MAPKAPK3: variants seen among roughly 807,000 people sequenced by gnomAD.
MAPKAPK3 encodes the protein MAP kinase-activated protein kinase 3.
In MAPKAPK3, 35 loss-of-function variants were observed where a neutral mutation model predicts 49.2. The ratio of observed to expected loss-of-function variants is 0.71; its 90% CI spans 0.54 to 0.94. The LOEUF is 0.94. Ranked by LOEUF, MAPKAPK3 falls within the 40% of genes least tolerant of loss-of-function variation. The pLI is 0.00. For synonymous variants in MAPKAPK3, 178 were observed against 188.7 expected, an observed-to-expected ratio of 0.94 and a Z score of 0.46; for missense variants, 398 against 493.1, an observed-to-expected ratio of 0.81 and a Z score of 1.83.
intron 9 of MAPKAPK3, 101 bp from the exon 10 acceptor site, chr3:50,647,022 G>A: frequency 2.5e-6 from 3 of 1,213,028 alleles, no homozygotes; most frequent in Non-Finnish European, 3.5e-6. Context: ...CTGAGCCTTG[G>A]TTTTTCCATC....
intron 2 of MAPKAPK3, among the ~76,000 whole-genome samples, chr3:50,633,850 G>GT (rs1204244061): frequency 6.6e-6 from 1 of 152,228 alleles, no homozygotes; most frequent in East Asian, 1.9e-4. Context: ...TGGTGCTGTT[G>GT]TTTTCCCAGC....
At chr3:50,637,693 AAG>A (rs34205773) in intron 2 of MAPKAPK3, among the ~76,000 whole-genome samples, 12,571 of 144,772 alleles carry the variant, frequency 0.087, 633 homozygotes, top group Non-Finnish European at 0.12. Flanking sequence ...CAGAGAGAGA[AAG>A]AGAGAGAGAG....
intron 2 of MAPKAPK3, among the ~76,000 whole-genome samples, chr3:50,631,712 G>A (rs962267706): frequency 6.6e-6 from 1 of 152,170 alleles, no homozygotes; most frequent in South Asian, 2.1e-4. Flanking sequence ...TGGCTGAGTC[G>A]AAGACTTGTC....
intron 2 of MAPKAPK3, among the ~76,000 whole-genome samples, chr3:50,626,427 C>A (rs140703902): frequency 8.5e-5 from 13 of 152,330 alleles, no homozygotes; most frequent in Admixed American, 2.0e-4. Flanking sequence ...CACCTGACCA[C>A]CCTTGCCCTG....
At chr3:50,621,786 A>G (rs2032616978) in intron 2 of MAPKAPK3, among the ~76,000 whole-genome samples, 1 of 152,162 alleles carries the variant, frequency 6.6e-6, no homozygotes, top group Non-Finnish European at 1.5e-5. Flanking sequence ...ATTGAAAGAA[A>G]GAAAAGCAAT....
intron 5 of MAPKAPK3, among the ~76,000 whole-genome samples, chr3:50,644,014 C>T (rs2033234636): frequency 6.6e-6 from 1 of 152,140 alleles, no homozygotes; most frequent in African/African-American, 2.4e-5. Flanking sequence ...GTCCTTCTAG[C>T]CCTGTAGGAT....
intron 2 of MAPKAPK3, among the ~76,000 whole-genome samples, chr3:50,624,237 G>A (rs952179318): frequency 2.6e-5 from 4 of 152,198 alleles, no homozygotes; most frequent in African/African-American, 7.2e-5. Flanking sequence ...GACAGAGGAA[G>A]GCACAGGGTG....
Position 50,646,775 on chromosome 3 carries a change from C to G in MAPKAPK3, c.865C>G (p.Pro289Ala). The change falls in exon 9 of 11, where the codon CCC (proline) becomes GCC (alanine). Residue 289 changes from proline to alanine, a missense_variant. Physicochemically the swap from Pro to Ala is conservative, Grantham distance 27. Transcript: ENST00000621469. ...GATCCGCCTCCTGTTGAAGACAGAC[C>G]CCACAGAGAGGCTGACCATCACTCA... ...QLIRLLLKTD[P>A]TERLTITQFM... 6.2e-7 allele frequency: 1 copy of G among 1,614,066 alleles called. No homozygotes were observed.
At chr3:50,611,774 T>C (rs984995987), upstream of MAPKAPK3, 12 of 1,296,130 alleles carry the variant, frequency 9.3e-6, no homozygotes, top group Non-Finnish European at 1.2e-5. Context: ...GGACAGGGAC[T>C]GAGAGGCAGT....
chr3:50,644,986 A>G (rs550358783), intron 6 of MAPKAPK3, among the ~76,000 whole-genome samples: 53 of 152,250 alleles, frequency 3.5e-4, no homozygotes, highest in African/African-American at 1.2e-3. Context: ...GGAGGTGTGC[A>G]CATACTCATG....
chr3:50,621,345 C>T (rs2032603669), intron 2 of MAPKAPK3, among the ~76,000 whole-genome samples: 1 of 152,066 alleles, frequency 6.6e-6, no homozygotes, highest in Non-Finnish European at 1.5e-5. Flanking sequence ...CCTGTAATTC[C>T]AGCACTTTGG....
chr3:50,613,127 C>T (rs1362871874), upstream of MAPKAPK3, among the ~76,000 whole-genome samples: 1 of 152,064 alleles, frequency 6.6e-6, no homozygotes, highest in Admixed American at 6.6e-5. Flanking sequence ...CCACTCCCCA[C>T]CCCCATCCCC....
chr3:50,644,281 C>CT, intron 5 of MAPKAPK3, 128 bp from the exon 6 acceptor site: 1 of 1,131,274 alleles, frequency 8.8e-7, no homozygotes, highest in East Asian at 2.4e-5. Flanking sequence ...AGGCCCGGGT[C>CT]TTTTTATAAA....
In MAPKAPK3 at chr3:50,644,409, C is replaced by G. The variant is rs1185560872; in HGVS notation, c.505C>G (p.Pro169Ala). ...SHNIAHRDVK[P>A]ENLLYTSKEK... Reference sequence around the variant, plus strand: ...CCAATGTTTTCTCTTTCTGGCCCAGCCTGAAAACCTACTCTACACATCTAA... The same window carrying G: ...CCAATGTTTTCTCTTTCTGGCCCAGGCTGAAAACCTACTCTACACATCTAA... The change falls in exon 6 of 11, where the codon CCT becomes GCT. Residue 169 changes from proline (P) to alanine (A), a missense_variant and splice_region_variant. Transcript: ENST00000621469. 1 of 1,613,938 alleles carries G rather than the reference C, an allele frequency of 6.2e-7. No homozygotes were observed. Among genetic ancestry groups the G allele is most frequent in the Non-Finnish European group, 8.5e-7 (1 of 1,179,958 alleles).
At chr3:50,635,438 G>A (rs890717060) in intron 2 of MAPKAPK3, among the ~76,000 whole-genome samples, 13 of 52,006 alleles carry the variant, frequency 2.5e-4, no homozygotes, top group African/African-American at 1.1e-3. Flanking sequence ...TTTTTTTTGA[G>A]ATGGAGTTTC....
chr3:50,622,665 A>G (rs1020096354), intron 2 of MAPKAPK3, among the ~76,000 whole-genome samples: 2 of 152,202 alleles, frequency 1.3e-5, no homozygotes, highest in African/African-American at 4.8e-5. Flanking sequence ...CTTTGATTAC[A>G]GCTCAGAGAT....
At chr3:50,641,656 T>A (rs1576012798) in intron 3 of MAPKAPK3, 51 bp from the exon 4 acceptor site, 3 of 1,447,830 alleles carry the variant, frequency 2.1e-6, no homozygotes, top group Admixed American at 1.7e-5. Flanking sequence ...GGGGCAAGGG[T>A]AGGATGATGT....
At chr3:50,611,541 C>G, upstream of MAPKAPK3, 1 of 1,518,656 alleles carries the variant, frequency 6.6e-7, no homozygotes, top group South Asian at 1.2e-5. Context: ...GCCCGTCAAG[C>G]CCTCCCAATG....
intron 2 of MAPKAPK3, among the ~76,000 whole-genome samples, chr3:50,627,608 G>C (rs1055836509): frequency 1.4e-4 from 22 of 152,156 alleles, no homozygotes; most frequent in Non-Finnish European, 2.8e-4. Flanking sequence ...GCCCAGGAGA[G>C]GGGGAGTGAG....
Sources: gnomAD v4.1 joint callset for allele counts (sites outside exome capture counted in the v4.1 genomes callset) on GRCh38, gnomAD v4.1.1 for gene constraint, MANE v1.5 for transcripts, NCBI Gene and HGNC (gene_info 2026-07-23, HGNC 2026-07-21) for gene names.